The following TRIM37 variants were observed in gnomAD, a reference collection of about 807,000 sequenced individuals.
TRIM37 encodes the protein tripartite motif containing 37.
Under a neutral mutation model 129.8 loss-of-function variants are expected in TRIM37, and 80 were observed. The observed-to-expected ratio is 0.62, with a 90% CI of 0.51 to 0.74. The LOEUF is 0.74. Among genes scored for constraint, TRIM37 ranks in the 30% least tolerant of loss-of-function variants. The pLI, the probability that TRIM37 is intolerant of heterozygous loss-of-function variation, is 0.00. For synonymous variants in TRIM37, 389 were observed against 387.1 expected (o/e 1.00, Z -0.06); for missense variants, 1,054 against 1,176.5 (o/e 0.90, Z 1.52).
intron 2 of TRIM37, among the ~76,000 whole-genome samples, chr17:59,097,317 A>C (rs1239282017): frequency 6.6e-6 from 1 of 152,182 alleles, no homozygotes; most frequent in Non-Finnish European, 1.5e-5. Flanking sequence ...AAAGAAATAA[A>C]AAGTATCCTA....
chr17:58,980,743 G>A (rs61739451), downstream of TRIM37: 769 of 1,614,094 alleles, frequency 4.8e-4, 6 homozygotes, highest in African/African-American at 8.0e-3. This position sits in a 1 kb window ranked among gnomAD's most constrained non-coding sequence, Gnocchi z 4.7. Flanking sequence ...TCAAATCCCC[G>A]GGAAACAGAG....
downstream of TRIM37, among the ~76,000 whole-genome samples, chr17:58,979,244 TAA>T (rs1383015563): frequency 1.3e-5 from 2 of 152,124 alleles, no homozygotes; most frequent in Non-Finnish European, 2.9e-5. Context: ...TCTCTAAATA[TAA>T]GAGAAAAATG....
downstream of TRIM37, chr17:58,980,978 A>C: frequency 6.2e-7 from 1 of 1,614,060 alleles, no homozygotes; most frequent in East Asian, 2.2e-5. The surrounding 1 kb of genome is among the most constrained non-coding windows in gnomAD (Gnocchi z 4.7). Flanking sequence ...GAAGCTCAGA[A>C]AGACTCATGA....
At chr17:59,081,964 A>AAAAATAAT (rs1568200247) in intron 5 of TRIM37, among the ~76,000 whole-genome samples, 4 of 87,210 alleles carry the variant, frequency 4.6e-5, no homozygotes, top group Non-Finnish European at 6.5e-5. Flanking sequence ...AAAAAAAAAA[A>AAAAATAAT]AATAATAATA....
intron 21 of TRIM37, among the ~76,000 whole-genome samples, chr17:59,012,913 A>C (rs1262216536): frequency 6.6e-6 from 1 of 151,966 alleles, no homozygotes; most frequent in African/African-American, 2.4e-5. Flanking sequence ...AAATATTCAC[A>C]AAAAAATGTT....
chr17:58,990,141 T>C (rs1224861516), intron 24 of TRIM37, among the ~76,000 whole-genome samples: 4 of 120,288 alleles, frequency 3.3e-5, no homozygotes, highest in African/African-American at 1.3e-4. Context: ...ATCATGCCAC[T>C]GCTCTCCAGC....
intron 2 of TRIM37, among the ~76,000 whole-genome samples, chr17:59,094,873 A>G (rs1263231720): frequency 6.6e-6 from 1 of 152,214 alleles, no homozygotes; most frequent in Non-Finnish European, 1.5e-5. Context: ...AGAAAAGGCC[A>G]GGACTGAAAA....
At chr17:59,028,096 C>G (rs184033957) in intron 19 of TRIM37, among the ~76,000 whole-genome samples, 3 of 152,178 alleles carry the variant, frequency 2.0e-5, no homozygotes, top group Non-Finnish European at 4.4e-5. Context: ...TTCACAGCAC[C>G]TTTTACCCAC....
chr17:58,990,279 C>T (rs1428787338), intron 24 of TRIM37, among the ~76,000 whole-genome samples: 1 of 149,668 alleles, frequency 6.7e-6, no homozygotes, highest in African/African-American at 2.5e-5. Flanking sequence ...TCACTTGAGG[C>T]CAGGAGCTTG....
intron 24 of TRIM37, chr17:58,983,459 C>T (rs1275223626): frequency 6.6e-6 from 1 of 152,660 alleles, no homozygotes; most frequent in East Asian, 1.9e-4. Context: ...CTCTTAACGC[C>T]ACTGGTGATA....
Position 59,012,132 on chromosome 17 carries a change from T to C in TRIM37, c.2695+196A>G, listed in dbSNP as rs114539066. On this transcript the variant is annotated intron_variant, in intron 22 of 23. Transcript: ENST00000262294. Reference sequence around the variant, plus strand: ...ATCAAATTCAGTGGCACAAGGAATGTTGTGTTCAGATCAAGCATGTCGAAT... The same window carrying C: ...ATCAAATTCAGTGGCACAAGGAATGCTGTGTTCAGATCAAGCATGTCGAAT... 6.5e-3 allele frequency among the ~76,000 whole-genome samples: 996 copies of C among 152,176 alleles called. 7 individuals carry two copies. The highest frequency in any genetic ancestry group is 0.022 in the African/African-American group (932 of 41,510).
intron 19 of TRIM37, among the ~76,000 whole-genome samples, chr17:59,019,793 G>A (rs1326848896): frequency 6.6e-6 from 1 of 152,100 alleles, no homozygotes; most frequent in African/African-American, 2.4e-5. Flanking sequence ...GGGAAGATGG[G>A]GAACGACTTT....
intron 5 of TRIM37, among the ~76,000 whole-genome samples, chr17:59,081,962 AAAAAT>A (rs2043327404): frequency 2.3e-5 from 3 of 127,838 alleles, no homozygotes; most frequent in African/African-American, 9.2e-5. Flanking sequence ...ATAAAAAAAA[AAAAAT>A]AATAATAATA....
At chr17:58,974,909 T>C in the TRIM37 span, among the ~76,000 whole-genome samples, 1 of 151,928 alleles carries the variant, frequency 6.6e-6, no homozygotes, top group African/African-American at 2.4e-5. Context: ...TCCTGAAAAA[T>C]TGAGATTTGG....
chr17:58,983,900 A>C (rs1424951608), intron 24 of TRIM37: 4 of 152,642 alleles, frequency 2.6e-5, no homozygotes, highest in African/African-American at 7.2e-5. Flanking sequence ...AGTCATTACA[A>C]ACTCCTTGTA....
At chr17:59,102,985 G>T (rs1310232651) in intron 2 of TRIM37, among the ~76,000 whole-genome samples, 1 of 151,844 alleles carries the variant, frequency 6.6e-6, no homozygotes, top group Non-Finnish European at 1.5e-5. Context: ...TGATTCTCCT[G>T]TCTCAGCCTC....
chr17:59,036,445 GGGGTGT>G (rs1555656632), intron 17 of TRIM37, among the ~76,000 whole-genome samples: 8 of 117,540 alleles, frequency 6.8e-5, no homozygotes, highest in African/African-American at 2.7e-4. Context: ...GTATTTGCTG[GGGGTGT>G]GTGTGTGTGT....
intron 4 of TRIM37, 130 bp from the exon 5 acceptor site, chr17:59,084,219 C>T (rs1015009861): frequency 1.4e-4 from 100 of 711,154 alleles, no homozygotes; most frequent in Non-Finnish European, 2.1e-4. Context: ...ATAAAATGTA[C>T]TCCATGGCTT....
chr17:58,979,924 T>C (rs754022954), downstream of TRIM37: 1 of 1,460,946 alleles, frequency 6.8e-7, no homozygotes, highest in South Asian at 1.3e-5. Context: ...GTTCTTAGCA[T>C]GCAAGGTAAA....
Sources: allele counts gnomAD v4.1 joint callset (sites outside exome capture counted in the v4.1 genomes callset), GRCh38; gene constraint gnomAD v4.1.1; non-coding constraint Gnocchi (gnomAD v3.1); transcripts MANE v1.5; gene names NCBI Gene and HGNC (gene_info 2026-07-23, HGNC 2026-07-21).